The following PROM2 variants were observed in gnomAD, a reference collection of about 807,000 sequenced individuals.
PROM2 encodes the protein prominin 2, also known as prominin-2.
Under a neutral mutation model 110.2 loss-of-function variants are expected in PROM2, and 90 were observed. The observed-to-expected ratio is 0.82, with a 90% CI of 0.69 to 0.97. The LOEUF (loss-of-function observed/expected upper bound fraction) is 0.97. Ranked by LOEUF, PROM2 falls within the 50% of genes least tolerant of loss-of-function variation. PROM2 has a pLI of 0.00. For missense variants in PROM2, 1,009 were observed against 1,074.8 expected (o/e 0.94, Z 0.86); for synonymous variants, 470 against 467.8 (o/e 1.00, Z -0.06).
intron 21 of PROM2, 78 bp from the exon 22 acceptor site, chr2:95,288,405 C>A (rs1677505322): frequency 1.3e-6 from 2 of 1,586,010 alleles, no homozygotes; most frequent in African/African-American, 2.7e-5. Context: ...TGGCCTCTGC[C>A]CCGGCTCTGA....
Position 95,281,392 on chromosome 2 carries a change from T to C in PROM2, c.1551+27T>C, listed in dbSNP as rs774964411. 71 of 1,441,624 alleles carry C rather than the reference T, an allele frequency of 4.9e-5. 2 individuals carry two copies. In the Middle Eastern group the frequency reaches 8.1e-3, roughly 164 times the overall value. The allele number at this position is 1,441,624 out of a possible 1,614,324, so 89.3% of individuals were successfully genotyped here. On this transcript the variant is annotated intron_variant, in intron 12 of 23. Coordinates refer to ENST00000317620, the MANE Select transcript of PROM2 (RefSeq NM_001165978.3). The stretch of plus-strand genomic sequence containing the variant: ...TAGGCCTGTCTCTGCTCACAGGCCC[T>C]CCTGGGGAGAGAGGTGGGGGGCGGT...
At chr2:95,278,028 A>G in intron 8 of PROM2, 24 bp downstream of exon 8, 3 of 1,594,974 alleles carry the variant, frequency 1.9e-6, no homozygotes, top group East Asian at 4.6e-5. Flanking sequence ...GGTCTGCCTG[A>G]TTTCTCCCTC....
In PROM2 at chr2:95,275,538, G is replaced by A. The variant is rs767305387; in HGVS notation, c.294+28G>A. The A allele has an allele frequency of 6.2e-7, 1 of 1,612,832 alleles. No individual in the cohort carries two copies. The highest frequency in any genetic ancestry group is 1.1e-5 in the South Asian group (1 of 90,884). On this transcript the variant is annotated intron_variant, in intron 2 of 23. Coordinates refer to ENST00000317620, the MANE Select transcript of PROM2 (RefSeq NM_001165978.3). This position sits in a 1 kb window ranked among gnomAD's most constrained non-coding sequence, Gnocchi z 4.4. Reference sequence around the variant, plus strand: ...GAGCAAGCTGGGGAAAGGTGCTGGGGGAGGGAGTTCTGGGGTGAGCAGCAG... The same window carrying A: ...GAGCAAGCTGGGGAAAGGTGCTGGGAGAGGGAGTTCTGGGGTGAGCAGCAG...
intron 12 of PROM2, 100 bp downstream of exon 12, chr2:95,281,465 A>T: frequency 1.8e-6 from 2 of 1,120,792 alleles, no homozygotes; most frequent in East Asian, 2.9e-5. Flanking sequence ...GGGGGGTAAA[A>T]GGGAGAGAGG....
At chr2:95,284,036 A>G (rs1677199945) in intron 14 of PROM2, among the ~76,000 whole-genome samples, 1 of 152,242 alleles carries the variant, frequency 6.6e-6, no homozygotes, top group African/African-American at 2.4e-5. Context: ...TCAGGTGGCC[A>G]GGGAAGGTCT....
intron 19 of PROM2, 21 bp downstream of exon 19, chr2:95,287,234 G>A (rs1190822637): frequency 3.7e-6 from 6 of 1,610,254 alleles, no homozygotes; most frequent in Non-Finnish European, 5.1e-6. Context: ...GGTGGGACAG[G>A]GAAGGGGCTT....
In PROM2 at chr2:95,275,750, C is replaced by T. The variant is rs569156823; in HGVS notation, c.295-180C>T. ...CTGGAACTTCCTGAACTTCAGCTTC[C>T]TCCTGTGTAAGATGGTGATGAGCAG... On this transcript the variant is annotated intron_variant, in intron 2 of 23. Transcript: ENST00000317620. This position sits in a 1 kb window ranked among gnomAD's most constrained non-coding sequence, Gnocchi z 4.4. 2 of 1,455,272 alleles carry T rather than the reference C, an allele frequency of 1.4e-6. No individual in the cohort carries two copies. Among genetic ancestry groups the T allele is most frequent in the African/African-American group, 2.8e-5 (2 of 70,910 alleles). The allele number at this position is 1,455,272 out of a possible 1,614,324, so 90.1% of individuals were successfully genotyped here.
chr2:95,275,810 A>G lies in PROM2; in HGVS notation c.295-120A>G. The G allele has an allele frequency of 1.3e-6, 2 of 1,510,298 alleles. No homozygotes were observed. The highest frequency in any genetic ancestry group is 1.8e-6 in the Non-Finnish European group (2 of 1,132,640). The allele number at this position is 1,510,298 out of a possible 1,614,324, so 93.6% of individuals were successfully genotyped here. A position where few individuals can be genotyped will look rare whatever the true frequency, so the allele number is the denominator to read the frequency against. On this transcript the variant is annotated intron_variant, in intron 2 of 23. Coordinates refer to ENST00000317620, the MANE Select transcript of PROM2 (RefSeq NM_001165978.3). The surrounding 1 kb of genome is among the most constrained non-coding windows in gnomAD (Gnocchi z 4.4). Reference sequence around the variant, plus strand: ...GGTCACCTCTGGGACGGGTTCCATGAGATGCAGGCCATGCCCCTGACGGCA... The same window carrying G: ...GGTCACCTCTGGGACGGGTTCCATGGGATGCAGGCCATGCCCCTGACGGCA...
intron 16 of PROM2, 67 bp from the exon 17 acceptor site, chr2:95,286,412 A>T: frequency 7.2e-7 from 1 of 1,391,082 alleles, no homozygotes; most frequent in Non-Finnish European, 1.0e-6. Context: ...GGTATGTCAG[A>T]CTGAAAGGCT....
At chr2:95,281,166 G>A (rs1677017408) in intron 11 of PROM2, 76 bp from the exon 12 acceptor site, 3 of 1,562,690 alleles carry the variant, frequency 1.9e-6, no homozygotes, top group South Asian at 1.2e-5. Context: ...TGGCCCTGGG[G>A]TGAGGGTGGG....
chr2:95,287,469 G>A lies in PROM2; in HGVS notation c.2244+5G>A. On this transcript the variant is annotated splice_donor_5th_base_variant and intron_variant, in intron 20 of 23. Coordinates refer to ENST00000317620, the MANE Select transcript of PROM2 (RefSeq NM_001165978.3). ...GTGGCCTGGGTGAGAGAGGAGGTGA[G>A]TGGGGCCTCAGAAGCAATGACTGAT... 1 of 1,613,676 alleles carries A rather than the reference G, an allele frequency of 6.2e-7. No individual in the cohort carries two copies. Among genetic ancestry groups the A allele is most frequent in the African/African-American group, 1.3e-5 (1 of 75,000 alleles).
At chr2:95,285,300 C>G (rs1229000414) in intron 15 of PROM2, among the ~76,000 whole-genome samples, 185 bp downstream of exon 15, 5 of 152,204 alleles carry the variant, frequency 3.3e-5, no homozygotes, top group South Asian at 4.1e-4. Flanking sequence ...GCCACCACCC[C>G]GGTCACACAG....
chr2:95,288,313 G>A lies in PROM2; in HGVS notation c.2334+13G>A, dbSNP rs1397107877. 1.2e-6 allele frequency: 2 copies of A among 1,613,552 alleles called. No homozygotes were observed. Among genetic ancestry groups the A allele is most frequent in the African/African-American group, 2.7e-5 (2 of 75,054 alleles). ...GGCTGACCCCTGGGTGAGTGCCCCA[G>A]CTCATCGGGGCTTGTTCACCAAGTC... On this transcript the variant is annotated intron_variant, in intron 21 of 23. Coordinates refer to ENST00000317620, the MANE Select transcript of PROM2 (RefSeq NM_001165978.3).
At position 95,275,731 on chromosome 2, in the gene PROM2, C is replaced by A. The variant is rs776374019; in HGVS notation, c.295-199C>A. ...CAGTGAGGTTTGCAGGGAGCTGGAA[C>A]TTCCTGAACTTCAGCTTCCTCCTGT... On this transcript the variant is annotated intron_variant, in intron 2 of 23. Transcript: ENST00000317620. The surrounding 1 kb of genome is among the most constrained non-coding windows in gnomAD (Gnocchi z 4.4). 33 of 1,447,292 alleles carry A rather than the reference C, an allele frequency of 2.3e-5. No individual in the cohort carries two copies. The highest frequency in any genetic ancestry group is 2.8e-5 in the Non-Finnish European group (31 of 1,102,084). 89.7% of individuals were successfully genotyped at this position (1,447,292 alleles called of 1,614,324 possible). A position where few individuals can be genotyped will look rare whatever the true frequency, so the allele number is the denominator to read the frequency against.
chr2:95,276,841 C>T lies in PROM2; in HGVS notation c.683-131C>T. ...CAGCTGCTGGAGGAAGAAGCCGTGT[C>T]CCCGCTCCTTCACTCCCCTCCACCC... On this transcript the variant is annotated intron_variant, in intron 5 of 23. Transcript: ENST00000317620. The surrounding 1 kb of genome is among the most constrained non-coding windows in gnomAD (Gnocchi z 4.6). 3.5e-6 allele frequency: 4 copies of T among 1,126,858 alleles called. No homozygotes were observed. The South Asian group carries it at 4.2e-5, about 12-fold the overall frequency. 69.8% of individuals were successfully genotyped at this position (1,126,858 alleles called of 1,614,324 possible).
intron 16 of PROM2, among the ~76,000 whole-genome samples, chr2:95,286,257 C>T (rs1174967413): frequency 1.3e-5 from 2 of 152,204 alleles, no homozygotes; most frequent in African/African-American, 4.8e-5. Context: ...GCAGCTCAGG[C>T]ATGTTCTGTG....
At chr2:95,278,625 AG>A (rs927787166) in intron 8 of PROM2, 95 bp from the exon 9 acceptor site, 8 of 1,392,494 alleles carry the variant, frequency 5.7e-6, no homozygotes, top group African/African-American at 1.4e-5. Flanking sequence ...GGGAGCACTG[AG>A]GGGGGCCCTC....
chr2:95,277,684 C>T, intron 7 of PROM2, 118 bp downstream of exon 7: 1 of 1,073,596 alleles, frequency 9.3e-7, no homozygotes, highest in Non-Finnish European at 1.3e-6. Context: ...TCCACCCACC[C>T]AGGGTTAATG....
chr2:95,287,514 G>A lies in PROM2; in HGVS notation c.2244+50G>A, dbSNP rs752342004. 1.2e-5 allele frequency: 19 copies of A among 1,585,704 alleles called. No homozygotes were observed. In the East Asian group the frequency reaches 3.8e-4, roughly 32 times the overall value. ...ACTGATTCCCTGCTCCATCGGACCAGCTGTTCACCCTGCTCTGCCCCGCCC... is the reference window on the plus strand; with the variant it reads ...ACTGATTCCCTGCTCCATCGGACCAACTGTTCACCCTGCTCTGCCCCGCCC... On this transcript the variant is annotated intron_variant, in intron 20 of 23. Coordinates refer to ENST00000317620, the MANE Select transcript of PROM2 (RefSeq NM_001165978.3).
Sources: allele counts gnomAD v4.1 joint callset (sites outside exome capture counted in the v4.1 genomes callset), GRCh38; gene constraint gnomAD v4.1.1; non-coding constraint Gnocchi (gnomAD v3.1); transcripts MANE v1.5; gene names NCBI Gene and HGNC (gene_info 2026-07-23, HGNC 2026-07-21).